Variants in PRDM16 observed in about 807,000 individuals in gnomAD.
The protein encoded by PRDM16 is PR/SET domain 16.
PRDM16 carries 23 observed loss-of-function variants against 110.6 expected under a neutral mutation model. The observed-to-expected ratio is 0.21, with a 90% CI of 0.15 to 0.29. The LOEUF (loss-of-function observed/expected upper bound fraction) is 0.29. Among genes scored for constraint, PRDM16 ranks in the 10% least tolerant of loss-of-function variants. The pLI is 1.00. For synonymous variants in PRDM16, 799 were observed against 781.8 expected (o/e 1.02, Z -0.37); for missense variants, 1,615 against 1,794.3 (o/e 0.90, Z 1.81).
intron 2 of PRDM16, among the ~76,000 whole-genome samples, chr1:3,188,554 C>T (rs962701598): frequency 3.3e-5 from 5 of 152,214 alleles, no homozygotes; most frequent in Non-Finnish European, 5.9e-5. Context: ...CTTTGTTCCA[C>T]GGTGGCCACC....
intron 1 of PRDM16, among the ~76,000 whole-genome samples, chr1:3,126,421 G>A (rs549971017): frequency 6.6e-5 from 10 of 152,330 alleles, no homozygotes; most frequent in African/African-American, 1.7e-4. Flanking sequence ...CTGCAGGTGC[G>A]CAGGAAGGGA....
chr1:3,233,386 T>A (rs1352571171), intron 2 of PRDM16, among the ~76,000 whole-genome samples: 1 of 152,108 alleles, frequency 6.6e-6, no homozygotes, highest in Non-Finnish European at 1.5e-5. Context: ...TGGTGTTGGT[T>A]TAAGTGATTG....
chr1:3,331,303 C>T (rs1481134380), intron 3 of PRDM16, among the ~76,000 whole-genome samples: 1 of 152,066 alleles, frequency 6.6e-6, no homozygotes, highest in Non-Finnish European at 1.5e-5. Flanking sequence ...AGCCCCCCCC[C>T]GGCACACTTG....
chr1:3,408,579 C>T (rs1003961461), intron 8 of PRDM16, among the ~76,000 whole-genome samples: 3 of 129,996 alleles, frequency 2.3e-5, no homozygotes, highest in African/African-American at 3.4e-5. Context: ...CGTGTGAGAG[C>T]GTGTGAGTGT....
At chr1:3,304,533 G>A (rs1214916807) in intron 3 of PRDM16, among the ~76,000 whole-genome samples, 2 of 152,220 alleles carry the variant, frequency 1.3e-5, no homozygotes, top group African/African-American at 2.4e-5. Flanking sequence ...CACACGAGGA[G>A]CACAGCCTGG....
chr1:3,421,993 C>T (rs1252043602), intron 12 of PRDM16, among the ~76,000 whole-genome samples: 1 of 148,760 alleles, frequency 6.7e-6, no homozygotes, highest in Non-Finnish European at 1.5e-5. Flanking sequence ...GACAGGCAGA[C>T]AGACAGACAG....
At chr1:3,283,100 C>T (rs1424030179) in intron 3 of PRDM16, among the ~76,000 whole-genome samples, 4 of 152,184 alleles carry the variant, frequency 2.6e-5, no homozygotes, top group Admixed American at 1.3e-4. Context: ...TTCACTCTGC[C>T]CCTCCCGACA....
intron 2 of PRDM16, among the ~76,000 whole-genome samples, chr1:3,218,997 GA>G (rs1180490279): frequency 5.3e-5 from 8 of 152,244 alleles, no homozygotes; most frequent in African/African-American, 1.9e-4. Context: ...TCTCCCAAAG[GA>G]GGGGTCCTCG....
chr1:3,329,760 G>A (rs12743395), intron 3 of PRDM16, among the ~76,000 whole-genome samples: 5 of 152,318 alleles, frequency 3.3e-5, no homozygotes, highest in South Asian at 2.1e-4. Context: ...ACCCCAGGCC[G>A]TGCGGCTTCT....
intron 1 of PRDM16, among the ~76,000 whole-genome samples, chr1:3,181,313 TACAC>T (rs1483308145): frequency 0.013 from 1,696 of 126,738 alleles, 8 homozygotes; most frequent in Non-Finnish European, 0.016. Flanking sequence ...CACACGGTCT[TACAC>T]ACGCAATCTT....
rs577081360 is a variant in PRDM16 at position 3,366,131 on chromosome 1, G to C, written c.439-19021G>C. Among the ~76,000 whole-genome samples the C allele has an allele frequency of 4.6e-4, 70 of 152,334 alleles. 1 individual carries two copies. In the South Asian group the frequency reaches 0.015, roughly 32 times the overall value. Reference sequence around the variant, plus strand: ...GAAATAACCCTTGACCTGTGGCTCAGGGGGGCTCTAGCGCCCCGATGTGCC... The same window carrying C: ...GAAATAACCCTTGACCTGTGGCTCACGGGGGCTCTAGCGCCCCGATGTGCC... On this transcript the variant is annotated intron_variant, in intron 3 of 16. Coordinates refer to ENST00000270722, the MANE Select transcript of PRDM16 (RefSeq NM_022114.4).
At chr1:3,316,887 T>G (rs1420003927) in intron 3 of PRDM16, among the ~76,000 whole-genome samples, 1 of 152,046 alleles carries the variant, frequency 6.6e-6, no homozygotes, top group African/African-American at 2.4e-5. Flanking sequence ...AATGATACAA[T>G]GTAGCCAGGA....
intron 16 of PRDM16, among the ~76,000 whole-genome samples, chr1:3,432,422 G>T (rs1638793589): frequency 6.6e-6 from 1 of 152,228 alleles, no homozygotes; most frequent in African/African-American, 2.4e-5. Context: ...CAGTGGGAAA[G>T]GTCTGTGAGC....
chr1:3,430,940 TGGA>T lies in PRDM16; in HGVS notation c.3363_3365del (p.Glu1121del), dbSNP rs779426991. 7.4e-6 allele frequency: 12 copies of T among 1,613,816 alleles called. No homozygotes were observed. Among genetic ancestry groups the T allele is most frequent in the Admixed American group, 1.7e-5 (1 of 59,996 alleles). ...CTAGCCAGTGAGAAGCAGGAGGACG[TGGA>T]GGAGGAGGACGACGATGACCTGGAG... On this transcript the variant is annotated inframe_deletion, in exon 15 of 17. Transcript: ENST00000270722.
At chr1:3,101,280 G>A (rs966471333) in intron 1 of PRDM16, among the ~76,000 whole-genome samples, 5 of 152,208 alleles carry the variant, frequency 3.3e-5, no homozygotes, top group Admixed American at 6.5e-5. Flanking sequence ...ACCAGCCATC[G>A]TGGGAAAAGC....
intron 1 of PRDM16, among the ~76,000 whole-genome samples, chr1:3,182,574 G>C (rs1393064): frequency 0.23 from 34,493 of 152,128 alleles, 4,050 homozygotes; most frequent in Admixed American, 0.29. Flanking sequence ...GGCTCCCACT[G>C]TAAGGCTGAA....
intron 1 of PRDM16, among the ~76,000 whole-genome samples, chr1:3,085,623 G>A (rs1055021637): frequency 4.6e-5 from 7 of 152,232 alleles, no homozygotes; most frequent in African/African-American, 1.4e-4. Flanking sequence ...ATCCATCCTC[G>A]TGGGGCTGTG....
At chr1:3,142,716 G>A (rs1569671549) in intron 1 of PRDM16, among the ~76,000 whole-genome samples, 1 of 152,126 alleles carries the variant, frequency 6.6e-6, no homozygotes, top group South Asian at 2.1e-4. Context: ...GTAATTACCT[G>A]GATGTGGACC....
chr1:3,241,396 C>T (rs2100908273), intron 2 of PRDM16, among the ~76,000 whole-genome samples: 1 of 152,358 alleles, frequency 6.6e-6, no homozygotes, highest in Admixed American at 6.5e-5. Context: ...GGCCCAGGCC[C>T]CGTGCCCAGA....
Sources: gnomAD v4.1 joint callset for allele counts (sites outside exome capture counted in the v4.1 genomes callset) on GRCh38, gnomAD v4.1.1 for gene constraint, MANE v1.5 for transcripts, NCBI Gene and HGNC (gene_info 2026-07-23, HGNC 2026-07-21) for gene names.